PCMT1: variants seen among roughly 807,000 people sequenced by gnomAD.
PCMT1 encodes protein-L-isoaspartate(D-aspartate) O-methyltransferase.
In PCMT1, 9 loss-of-function variants were observed where a neutral mutation model predicts 29.2. The observed-to-expected ratio is 0.31, with a 90% CI of 0.19 to 0.54. The LOEUF is 0.54. Ranked by LOEUF, PCMT1 falls within the 20% of genes least tolerant of loss-of-function variation. The probability of loss-of-function intolerance (pLI) is 0.95; values close to 1 mark genes in which losing one functional copy is unlikely to be tolerated. For missense variants in PCMT1, 184 were observed against 282.2 expected (o/e 0.65, Z 2.49); for synonymous variants, 98 against 97.5 (o/e 1.00, Z -0.03).
At chr6:149,784,826 C>T (rs1787955687) in intron 3 of PCMT1, among the ~76,000 whole-genome samples, 1 of 152,184 alleles carries the variant, frequency 6.6e-6, no homozygotes, top group East Asian at 1.9e-4. Flanking sequence ...ATTATTTCAT[C>T]CCTGGATACT....
intron 1 of PCMT1, among the ~76,000 whole-genome samples, chr6:149,769,770 A>ATTTTTTT (rs34274281): frequency 1.0e-5 from 1 of 99,714 alleles, no homozygotes; most frequent in Non-Finnish European, 1.8e-5. Context: ...AGCTAATTAA[A>ATTTTTTT]TTTTTTTTTT....
At chr6:149,756,512 CTTTTTTTTTTTTTTTTT>C (rs61038108) in intron 1 of PCMT1, among the ~76,000 whole-genome samples, 3 of 74,720 alleles carry the variant, frequency 4.0e-5, no homozygotes, top group African/African-American at 1.1e-4. Flanking sequence ...CCATGACTGG[CTTTTTTTTTTTTTTTTT>C]TTTTTTTTTT....
intron 6 of PCMT1, chr6:149,798,053 A>G (rs892023177): frequency 2.6e-5 from 4 of 151,458 alleles, no homozygotes; most frequent in African/African-American, 9.7e-5. Flanking sequence ...CCAGCTACTC[A>G]AGAGGCTGAG....
rs1333868132 is a variant in PCMT1, at chr6:149,749,775, C to T, written c.-127C>T. 3 of 1,549,216 alleles carry T rather than the reference C, an allele frequency of 1.9e-6. No individual in the cohort carries two copies. The highest frequency in any genetic ancestry group is 2.4e-5 in the South Asian group (2 of 84,034). The stretch of plus-strand genomic sequence containing the variant: ...GCAGCGGCGGCGACGGCAGTAACAG[C>T]GGCAGCTACAGCGGGGACGCGAGCG... On this transcript the variant is annotated 5_prime_UTR_variant, in exon 1 of 8. Transcript: ENST00000464889.
intron 3 of PCMT1, among the ~76,000 whole-genome samples, chr6:149,786,396 T>A (rs374648186): frequency 1.8e-5 from 1 of 55,254 alleles, no homozygotes; most frequent in Non-Finnish European, 3.6e-5. Flanking sequence ...CCGGACGGGG[T>A]GGCTGGCCGG....
chr6:149,784,610 G>A (rs1350128091), intron 3 of PCMT1, among the ~76,000 whole-genome samples: 1 of 151,782 alleles, frequency 6.6e-6, no homozygotes, highest in Non-Finnish European at 1.5e-5. Flanking sequence ...GACTACAGGT[G>A]TGCACCACCA....
At chr6:149,804,711 A>G (rs1031523705) in intron 7 of PCMT1, among the ~76,000 whole-genome samples, 31 of 152,072 alleles carry the variant, frequency 2.0e-4, no homozygotes, top group African/African-American at 7.5e-4. Context: ...CATGTTGGCC[A>G]GGCTGGTCTC....
At chr6:149,803,918 T>TA (rs1214915835) in intron 7 of PCMT1, among the ~76,000 whole-genome samples, 2 of 150,912 alleles carry the variant, frequency 1.3e-5, no homozygotes, top group Non-Finnish European at 2.9e-5. Flanking sequence ...CTGTCTCTAC[T>TA]AAAAACACAA....
At chr6:149,789,719 A>T (rs1157615255) in intron 3 of PCMT1, among the ~76,000 whole-genome samples, 1 of 100,428 alleles carries the variant, frequency 1.0e-5, no homozygotes, top group East Asian at 6.5e-4. Context: ...TACTGAATTA[A>T]TTAAAAGTTA....
chr6:149,769,108 G>T (rs368272928), intron 1 of PCMT1, among the ~76,000 whole-genome samples: 1 of 151,914 alleles, frequency 6.6e-6, no homozygotes. Flanking sequence ...GTTTTTATTT[G>T]CATTTAGTTT....
intron 3 of PCMT1, among the ~76,000 whole-genome samples, chr6:149,779,070 G>T (rs527747421): frequency 6.6e-6 from 1 of 152,038 alleles, no homozygotes; most frequent in African/African-American, 2.4e-5. Context: ...TGCGGGGCCC[G>T]GGTTGAGAGA....
chr6:149,761,920 C>G (rs115736004), intron 1 of PCMT1, among the ~76,000 whole-genome samples: 1 of 152,108 alleles, frequency 6.6e-6, no homozygotes, highest in South Asian at 2.1e-4. Context: ...CTTTGCTGAA[C>G]GATGTAGTGT....
intron 2 of PCMT1, among the ~76,000 whole-genome samples, chr6:149,771,848 G>A (rs1787339281): frequency 6.6e-6 from 1 of 152,116 alleles, no homozygotes; most frequent in Admixed American, 6.6e-5. Flanking sequence ...AAAACTTACA[G>A]TATTAGCCGA....
intron 6 of PCMT1, among the ~76,000 whole-genome samples, chr6:149,799,994 A>G (rs1256987403): frequency 1.3e-5 from 2 of 152,218 alleles, no homozygotes; most frequent in South Asian, 2.1e-4. Flanking sequence ...GGTAAATACT[A>G]GAAGACATAG....
intron 3 of PCMT1, among the ~76,000 whole-genome samples, chr6:149,786,372 C>T (rs1485267732): frequency 7.9e-6 from 1 of 126,628 alleles, no homozygotes; most frequent in Non-Finnish European, 1.7e-5. Context: ...GGGGCTGACC[C>T]CCCCACCTCC....
chr6:149,756,117 G>T (rs939312590), intron 1 of PCMT1, among the ~76,000 whole-genome samples: 2 of 152,274 alleles, frequency 1.3e-5, no homozygotes, highest in Admixed American at 1.3e-4. Flanking sequence ...GAGCAGCCAC[G>T]TTTATTCTGT....
At chr6:149,805,389 CG>C (rs1562427284) in intron 7 of PCMT1, among the ~76,000 whole-genome samples, 2 of 150,868 alleles carry the variant, frequency 1.3e-5, no homozygotes, top group Admixed American at 6.6e-5. Context: ...GTCAGGAGAT[CG>C]AGACCATCCT....
chr6:149,762,915 A>G (rs1786873651), intron 1 of PCMT1, among the ~76,000 whole-genome samples: 1 of 59,936 alleles, frequency 1.7e-5, no homozygotes, highest in Non-Finnish European at 2.3e-5. Context: ...TATCTATGAT[A>G]TATATATCTA....
chr6:149,789,933 T>C (rs778145323), intron 3 of PCMT1, 21 bp from the exon 4 acceptor site: 1 of 1,514,978 alleles, frequency 6.6e-7, no homozygotes, highest in East Asian at 2.3e-5. Context: ...TCTTAATGAA[T>C]ATTTTGTTTT....
Sources: gnomAD v4.1 joint callset for allele counts (sites outside exome capture counted in the v4.1 genomes callset) on GRCh38, gnomAD v4.1.1 for gene constraint, MANE v1.5 for transcripts, NCBI Gene and HGNC (gene_info 2026-07-23, HGNC 2026-07-21) for gene names.